PDPK1: variants seen among roughly 807,000 people sequenced by gnomAD.
PDPK1 encodes 3-phosphoinositide dependent protein kinase 1, also known as 3-phosphoinositide-dependent protein kinase 1.
A neutral mutation model predicts 39.8 loss-of-function variants in PDPK1; 7 were observed. The observed-to-expected ratio is 0.18, with a 90% confidence interval of 0.10 to 0.33. PDPK1 has a LOEUF of 0.33. Among genes scored for constraint, PDPK1 ranks in the 10% least tolerant of loss-of-function variants. PDPK1 has a pLI of 1.00. For missense variants in PDPK1, 182 were observed against 384.7 expected, an observed-to-expected ratio of 0.47 and a Z score of 4.41; for synonymous variants, 118 against 159.1, an observed-to-expected ratio of 0.74 and a Z score of 1.95.
In PDPK1 at chr16:2,593,009, T is replaced by G. The variant is rs2142003375; in HGVS notation, c.1344-2784T>G. On this transcript the variant is annotated intron_variant, in intron 11 of 13. Coordinates refer to ENST00000342085, the MANE Select transcript of PDPK1 (RefSeq NM_002613.5). The surrounding 1 kb of genome is among the most constrained non-coding windows in gnomAD (Gnocchi z 4.2). Reference sequence around the variant, plus strand: ...GACACTGCTGGGAGTGCCTCTGGGCTCCTTGCCTGTGGCCTTTTTTTTTCT... The same window carrying G: ...GACACTGCTGGGAGTGCCTCTGGGCGCCTTGCCTGTGGCCTTTTTTTTTCT... 1 of 456,662 alleles carries G rather than the reference T, an allele frequency of 2.2e-6. No homozygotes were observed. Among genetic ancestry groups the G allele is most frequent in the East Asian group, 7.0e-5 (1 of 14,382 alleles). The allele number at this position is 456,662 out of a possible 1,614,324, so 28.3% of individuals were successfully genotyped here.
Position 2,586,746 on chromosome 16 carries a change from C to T in PDPK1, c.1196C>T (p.Ala399Val), listed in dbSNP as rs1441563937. The T allele has an allele frequency of 6.2e-7, 1 of 1,614,252 alleles. No homozygotes were observed. Among genetic ancestry groups the T allele is most frequent in the Non-Finnish European group, 8.5e-7 (1 of 1,180,042 alleles). ...TCCTCCTCCTCACACTCCCTGTCAG[C>T]CTCCGACACGGGCCTGCCCCAGAGG... ...SSSSSSHSLS[A>V]SDTGLPQRSG... The change falls in exon 11 of 14, where the codon GCC (alanine) becomes GTC (valine). Residue 399 changes from alanine (A) to valine (V), a missense_variant. Ala to Val is a moderately conservative substitution (Grantham distance 64, BLOSUM62 0). Around this residue, in one of 5 missense-constraint regions of PDPK1, gnomAD observed 90 missense variants for 111.9 expected, o/e 0.80. Coordinates refer to ENST00000342085, the MANE Select transcript of PDPK1 (RefSeq NM_002613.5).
chr16:2,540,460 G>A (rs896984440), intron 1 of PDPK1, among the ~76,000 whole-genome samples: 8 of 152,154 alleles, frequency 5.3e-5, no homozygotes, highest in African/African-American at 1.9e-4. Flanking sequence ...CCTCATAAGT[G>A]GTAGAGACTC....
intron 11 of PDPK1, among the ~76,000 whole-genome samples, chr16:2,588,741 C>T (rs1295241106): frequency 1.3e-5 from 2 of 152,156 alleles, no homozygotes; most frequent in African/African-American, 4.8e-5. Context: ...GGAGGTCTGT[C>T]CAGCACCTGC....
chr16:2,587,031 G>A (rs1370929662), intron 11 of PDPK1, 138 bp downstream of exon 11: 2 of 764,860 alleles, frequency 2.6e-6, no homozygotes, highest in Non-Finnish European at 4.4e-6. Flanking sequence ...CATCGTAAGT[G>A]CACAGTTGGA....
At chr16:2,586,603 C>A in intron 10 of PDPK1, 73 bp from the exon 11 acceptor site, 1 of 1,329,498 alleles carries the variant, frequency 7.5e-7, no homozygotes, top group Non-Finnish European at 1.1e-6. Context: ...AGCGGCAGTG[C>A]GGGAGGGGCT....
Position 2,593,427 on chromosome 16 carries a change from G to T in PDPK1, c.1344-2366G>T. The T allele has an allele frequency of 9.4e-6, 3 of 319,812 alleles. No homozygotes were observed. The highest frequency in any genetic ancestry group is 9.6e-5 in the East Asian group (1 of 10,384). The allele number at this position is 319,812 out of a possible 1,614,324, so 19.8% of individuals were successfully genotyped here. On this transcript the variant is annotated intron_variant, in intron 11 of 13. Transcript: ENST00000342085. This position sits in a 1 kb window ranked among gnomAD's most constrained non-coding sequence, Gnocchi z 4.2. ...GTGGAGGTGGTTTCGTCCTCTTTCC[G>T]TGGCTCCCACAGCTCAGTGCTGGGC...
rs1160215447 is a variant in PDPK1, at chr16:2,597,004, AGGT to A, written c.1402-107_1402-105del. 77 of 629,630 alleles carry A rather than the reference AGGT, an allele frequency of 1.2e-4. No homozygotes were observed. The highest frequency in any genetic ancestry group is 2.2e-4 in the South Asian group (7 of 32,006). 39.0% of individuals were successfully genotyped at this position (629,630 alleles called of 1,614,324 possible). A position where few individuals can be genotyped will look rare whatever the true frequency, so the allele number is the denominator to read the frequency against. ...GTCCCCTGCCCCTGGGTGAGTGCAC[AGGT>A]GGTGGTGGTGGCCCTGTGTCCTGAG... On this transcript the variant is annotated intron_variant, in intron 12 of 13. Transcript: ENST00000342085. The surrounding 1 kb of genome is among the most constrained non-coding windows in gnomAD (Gnocchi z 6.3).
In PDPK1 at chr16:2,602,752, C is replaced by G. The variant is rs1421402617; in HGVS notation, c.*4985C>G. ...GTAATATTCTCTACCTGGTCTGTAG[C>G]TGTAACTGTGATGTACAGACAAAGC... On this transcript the variant is annotated 3_prime_UTR_variant, in exon 14 of 14. Transcript: ENST00000342085. 1 of 234,496 alleles carries G rather than the reference C, an allele frequency of 4.3e-6. No homozygotes were observed. The highest frequency in any genetic ancestry group is 2.2e-5 in the African/African-American group (1 of 45,316). 14.5% of individuals were successfully genotyped at this position (234,496 alleles called of 1,614,324 possible). A position where few individuals can be genotyped will look rare whatever the true frequency, so the allele number is the denominator to read the frequency against.
chr16:2,597,620 G>A lies in PDPK1; in HGVS notation c.1555-31G>A. ...GGTGGGGGTTTTGGTGGGACTCCCT[G>A]GAGAACACTAAACGGCTTCTGTCTT... On this transcript the variant is annotated intron_variant, in intron 13 of 13. Transcript: ENST00000342085. The surrounding 1 kb of genome is among the most constrained non-coding windows in gnomAD (Gnocchi z 6.3). 2 of 1,510,896 alleles carry A rather than the reference G, an allele frequency of 1.3e-6. No homozygotes were observed. The highest frequency in any genetic ancestry group is 2.3e-5 in the East Asian group (1 of 44,420). 93.6% of individuals were successfully genotyped at this position (1,510,896 alleles called of 1,614,324 possible).
At chr16:2,541,552 C>A (rs140481097) in intron 1 of PDPK1, among the ~76,000 whole-genome samples, 17 of 152,240 alleles carry the variant, frequency 1.1e-4, no homozygotes, top group Middle Eastern at 3.4e-3. Flanking sequence ...GCAGAGAAGC[C>A]CTGGGTGCAG....
Position 2,538,131 on chromosome 16 carries a change from C to CT in PDPK1, c.19_20insT (p.Gln7LeufsTer4). ...GGGGCCCATGGCCAGGACCACCAGC[C>CT]AGCTGGTGAGCGCGCGGCGGCGGAC... is the stretch of plus-strand genomic sequence containing the variant. On this transcript the variant is annotated frameshift_variant, in exon 1 of 14. Transcript: ENST00000342085. LOFTEE classifies it high-confidence loss of function. The CT allele has an allele frequency of 9.4e-7, 1 of 1,064,758 alleles. No individual in the cohort carries two copies. Among genetic ancestry groups the CT allele is most frequent in the Non-Finnish European group, 1.1e-6 (1 of 880,534 alleles). 66.0% of individuals were successfully genotyped at this position (1,064,758 alleles called of 1,614,324 possible).
At chr16:2,596,366 T>C (rs2067102115) in intron 12 of PDPK1, among the ~76,000 whole-genome samples, 1 of 152,158 alleles carries the variant, frequency 6.6e-6, no homozygotes, top group Non-Finnish European at 1.5e-5. Flanking sequence ...TAATCTTTTT[T>C]TGTATTTTTA....
In PDPK1 at chr16:2,601,204, G is replaced by A. The variant is rs2067208080; in HGVS notation, c.*3437G>A. 4.3e-6 allele frequency: 1 copy of A among 233,746 alleles called. No individual in the cohort carries two copies. Among genetic ancestry groups the A allele is most frequent in the African/African-American group, 2.2e-5 (1 of 45,260 alleles). 14.5% of individuals were successfully genotyped at this position (233,746 alleles called of 1,614,324 possible). On this transcript the variant is annotated 3_prime_UTR_variant, in exon 14 of 14. Transcript: ENST00000342085. ...TTCTGTCTCTCTCTCGACCTGATGT[G>A]TAGACGCTCACTTCCAGTAGCAGAA...
At chr16:2,543,817 G>A (rs2066284100) in intron 1 of PDPK1, among the ~76,000 whole-genome samples, 1 of 152,076 alleles carries the variant, frequency 6.6e-6, no homozygotes, top group African/African-American at 2.4e-5. Context: ...CGTCTTTCAG[G>A]TTGAAGCAAT....
At chr16:2,590,929 G>A (rs1037784882) in intron 11 of PDPK1, among the ~76,000 whole-genome samples, 2 of 151,332 alleles carry the variant, frequency 1.3e-5, no homozygotes, top group African/African-American at 2.4e-5. Flanking sequence ...GATTACAGGC[G>A]TGAGCTACTG....
intron 1 of PDPK1, among the ~76,000 whole-genome samples, chr16:2,541,745 C>G (rs1238994598): frequency 6.6e-6 from 1 of 152,210 alleles, no homozygotes; most frequent in Non-Finnish European, 1.5e-5. Context: ...TTGCTCAGGT[C>G]TTTTCAGCCG....
intron 1 of PDPK1, chr16:2,538,720 C>T (rs2066185038): frequency 7.8e-7 from 1 of 1,284,942 alleles, no homozygotes; most frequent in Non-Finnish European, 1.0e-6. Flanking sequence ...TTGTGGGAAG[C>T]CCCTGGGAGG....
rs2066170841 is a variant in PDPK1 at position 2,538,124 on chromosome 16, C to T, written c.12C>T (p.Thr4=). MAR[T]TSQLYDAVPI... ...CCGACGCGGGGCCCATGGCCAGGAC[C>T]ACCAGCCAGCTGGTGAGCGCGCGGC... Residue 4 remains threonine (T), a synonymous_variant, in exon 1 of 14, where the codon ACC becomes ACT. Transcript: ENST00000342085. 9.4e-7 allele frequency: 1 copy of T among 1,066,498 alleles called. No homozygotes were observed. The highest frequency in any genetic ancestry group is 1.1e-6 in the Non-Finnish European group (1 of 881,874). The allele number at this position is 1,066,498 out of a possible 1,614,324, so 66.1% of individuals were successfully genotyped here.
At position 2,602,686 on chromosome 16, in the gene PDPK1, T is replaced by G; in HGVS notation, c.*4919T>G. On this transcript the variant is annotated 3_prime_UTR_variant, in exon 14 of 14. Transcript: ENST00000342085. ...CCTTCACAACATAAAATAGGATAAA[T>G]GACTAGTACGTCTTTCAGGTGGGTG... 1 of 234,812 alleles carries G rather than the reference T, an allele frequency of 4.3e-6. No individual in the cohort carries two copies. The highest frequency in any genetic ancestry group is 8.5e-6 in the Non-Finnish European group (1 of 118,064). The allele number at this position is 234,812 out of a possible 1,614,324, so 14.5% of individuals were successfully genotyped here. A position where few individuals can be genotyped will look rare whatever the true frequency, so the allele number is the denominator to read the frequency against.
Sources: gnomAD v4.1 joint callset for allele counts (sites outside exome capture counted in the v4.1 genomes callset) on GRCh38, gnomAD v4.1.1 for gene constraint, gnomAD v4.1.1 regional missense constraint, Gnocchi (gnomAD v3.1) non-coding constraint, MANE v1.5 for transcripts, NCBI Gene and HGNC (gene_info 2026-07-23, HGNC 2026-07-21) for gene names.